Variants in RIMBP2 observed in about 807,000 individuals in gnomAD.
The protein encoded by RIMBP2 is RIMS-binding protein 2.
In RIMBP2, 48 loss-of-function variants were observed where a neutral mutation model predicts 118.6. That is an observed-to-expected ratio of 0.40 (90% CI 0.32 to 0.51). The LOEUF (loss-of-function observed/expected upper bound fraction) is 0.51. RIMBP2 is among the 20% of genes least tolerant of loss of function. The pLI is 0.41. For missense variants in RIMBP2, 1,551 were observed against 1,768.3 expected (o/e 0.88, Z 2.20); for synonymous variants, 762 against 742.9 (o/e 1.03, Z -0.42).
At chr12:130,614,809 G>T (rs1020520858) in intron 2 of RIMBP2, among the ~76,000 whole-genome samples, 2 of 151,298 alleles carry the variant, frequency 1.3e-5, no homozygotes, top group Admixed American at 1.3e-4. Context: ...TGTTCATGAC[G>T]CACTTTTGAG....
chr12:130,410,996 T>C (rs1273399403), intron 19 of RIMBP2, among the ~76,000 whole-genome samples: 4 of 152,356 alleles, frequency 2.6e-5, no homozygotes, highest in East Asian at 3.9e-4. Flanking sequence ...TCTCTGTCCA[T>C]GTATTTAGGT....
At chr12:130,577,369 C>G (rs529649007) in intron 2 of RIMBP2, among the ~76,000 whole-genome samples, 1 of 152,278 alleles carries the variant, frequency 6.6e-6, no homozygotes, top group East Asian at 1.9e-4. Flanking sequence ...TTACCTGAGA[C>G]TGGGTAATTT....
intron 1 of RIMBP2, among the ~76,000 whole-genome samples, chr12:130,699,894 G>C (rs1272291460): frequency 1.8e-5 from 2 of 113,518 alleles, no homozygotes; most frequent in Non-Finnish European, 3.5e-5. Flanking sequence ...GATGGTGTGA[G>C]ACTCTGTCTT....
At chr12:130,584,100 C>G (rs2058672869) in intron 2 of RIMBP2, among the ~76,000 whole-genome samples, 1 of 149,994 alleles carries the variant, frequency 6.7e-6, no homozygotes, top group Non-Finnish European at 1.5e-5. Flanking sequence ...CACCTCATCA[C>G]CATTACATCA....
chr12:130,461,217 G>A (rs2079962268), intron 6 of RIMBP2, among the ~76,000 whole-genome samples: 1 of 152,138 alleles, frequency 6.6e-6, no homozygotes, highest in South Asian at 2.1e-4. Context: ...TAGGGACGCT[G>A]GCTCTGCCCA....
rs2076491129 is a variant in RIMBP2, at chr12:130,422,639, G to T, written c.3130-78C>A. On this transcript the variant is annotated intron_variant, in intron 16 of 22. Coordinates refer to ENST00000690449, the MANE Select transcript of RIMBP2 (RefSeq NM_001393629.1). This position sits in a 1 kb window ranked among gnomAD's most constrained non-coding sequence, Gnocchi z 5.2. ...AGAATTCAGTTAGCCAAATCAAGCG[G>T]GTTGAAAAGCAGAATCTGTAAAGGC... 9.5e-7 allele frequency: 1 copy of T among 1,053,856 alleles called. No individual in the cohort carries two copies. The highest frequency in any genetic ancestry group is 2.2e-5 in the Admixed American group (1 of 45,620). 65.3% of individuals were successfully genotyped at this position (1,053,856 alleles called of 1,614,324 possible). A position where few individuals can be genotyped will look rare whatever the true frequency, so the allele number is the denominator to read the frequency against.
intron 2 of RIMBP2, among the ~76,000 whole-genome samples, chr12:130,545,693 C>T (rs143765610): frequency 2.0e-5 from 3 of 152,236 alleles, no homozygotes; most frequent in South Asian, 2.1e-4. Context: ...TCGAGTGTCA[C>T]GTCTGGGGAG....
intron 4 of RIMBP2, among the ~76,000 whole-genome samples, chr12:130,494,603 C>T (rs1449422582): frequency 6.6e-6 from 1 of 150,918 alleles, no homozygotes; most frequent in Admixed American, 6.6e-5. Flanking sequence ...TGCCCCACTG[C>T]ACTCCAGCCT....
At chr12:130,628,982 C>T (rs1403160235) in intron 1 of RIMBP2, among the ~76,000 whole-genome samples, 1 of 152,158 alleles carries the variant, frequency 6.6e-6, no homozygotes, top group Non-Finnish European at 1.5e-5. Context: ...ACATAGTAAA[C>T]TCTTAAAGAA....
intron 4 of RIMBP2, among the ~76,000 whole-genome samples, chr12:130,498,632 T>TAAA (rs2049423722): frequency 3.2e-5 from 1 of 31,156 alleles, no homozygotes; most frequent in Admixed American, 3.1e-4. Flanking sequence ...GAAACAGCAT[T>TAAA]CAAAAAAAAA....
At chr12:130,480,849 C>T (rs1205725028) in intron 4 of RIMBP2, among the ~76,000 whole-genome samples, 1 of 152,224 alleles carries the variant, frequency 6.6e-6, no homozygotes, top group African/African-American at 2.4e-5. Context: ...GATCCGCCTG[C>T]CTCGGCCTCC....
rs1221451877 is a variant in RIMBP2, at chr12:130,626,995, A to G, written c.-217+1327T>C. ...CATCACCATCATCTTCTCCATCACC[A>G]TGACTACCACCAAAATCATCACCAT... On this transcript the variant is annotated intron_variant, in intron 2 of 22. Transcript: ENST00000690449. Among the ~76,000 whole-genome samples the G allele has an allele frequency of 2.0e-5, 3 of 151,090 alleles. No homozygotes were observed. In the East Asian group the frequency reaches 5.9e-4, roughly 29 times the overall value.
chr12:130,451,070 A>G, intron 8 of RIMBP2, 125 bp downstream of exon 8: 1 of 1,185,432 alleles, frequency 8.4e-7, no homozygotes, highest in Non-Finnish European at 1.2e-6. Context: ...GGGCAAAGGG[A>G]AGAACCAACC....
At chr12:130,611,899 A>T (rs2060578419) in intron 2 of RIMBP2, among the ~76,000 whole-genome samples, 1 of 152,174 alleles carries the variant, frequency 6.6e-6, no homozygotes, top group Non-Finnish European at 1.5e-5. Context: ...AGGTCTAAGA[A>T]GTTGCTTTGC....
At chr12:130,501,988 G>A (rs2049832828) in intron 4 of RIMBP2, among the ~76,000 whole-genome samples, 1 of 152,230 alleles carries the variant, frequency 6.6e-6, no homozygotes, top group African/African-American at 2.4e-5. Context: ...TTGGCCAACG[G>A]AATTCGAGAA....
At chr12:130,606,701 G>GCCT (rs2140506078) in intron 2 of RIMBP2, among the ~76,000 whole-genome samples, 1 of 152,266 alleles carries the variant, frequency 6.6e-6, no homozygotes, top group African/African-American at 2.4e-5. Context: ...ATACTCTCCA[G>GCCT]CCTCCTCCTC....
intron 2 of RIMBP2, among the ~76,000 whole-genome samples, chr12:130,530,783 T>C (rs1399844667): frequency 1.3e-5 from 2 of 152,252 alleles, no homozygotes; most frequent in African/African-American, 4.8e-5. Context: ...AAAGAGCTTC[T>C]GTCTTCTCAC....
chr12:130,585,749 G>A (rs886631366), intron 2 of RIMBP2, among the ~76,000 whole-genome samples: 1 of 152,150 alleles, frequency 6.6e-6, no homozygotes, highest in Non-Finnish European at 1.5e-5. Flanking sequence ...ACTGAATCCA[G>A]GCTGCCCCTG....
Position 130,469,093 on chromosome 12 carries a change from A to C in RIMBP2, c.153+1600T>G, listed in dbSNP as rs1433829875. ...CCAGGACTCATGGCCGCGTCCACTC[A>C]CGGGAAAAGCATCGCCAAGCACGCC... On this transcript the variant is annotated intron_variant, in intron 6 of 22. Transcript: ENST00000690449. This position sits in a 1 kb window ranked among gnomAD's most constrained non-coding sequence, Gnocchi z 4.8. The C allele has an allele frequency of 6.6e-6, 1 of 152,556 alleles. No individual in the cohort carries two copies. Among genetic ancestry groups the C allele is most frequent in the Non-Finnish European group, 1.5e-5 (1 of 68,068 alleles). 9.5% of individuals were successfully genotyped at this position (152,556 alleles called of 1,614,324 possible). A position where few individuals can be genotyped will look rare whatever the true frequency, so the allele number is the denominator to read the frequency against.
Sources: allele counts gnomAD v4.1 joint callset (sites outside exome capture counted in the v4.1 genomes callset), GRCh38; gene constraint gnomAD v4.1.1; non-coding constraint Gnocchi (gnomAD v3.1); transcripts MANE v1.5; gene names NCBI Gene and HGNC (gene_info 2026-07-23, HGNC 2026-07-21).